TPM3: variants seen among roughly 807,000 people sequenced by gnomAD.
TPM3 encodes the protein tropomyosin 3, also known as tropomyosin alpha-3 chain.
Under a neutral mutation model 43.1 loss-of-function variants are expected in TPM3, and 16 were observed. The ratio of observed to expected loss-of-function variants is 0.37; its 90% confidence interval spans 0.25 to 0.56. The LOEUF (loss-of-function observed/expected upper bound fraction) is 0.56. Ranked by LOEUF, TPM3 falls within the 20% of genes least tolerant of loss-of-function variation. TPM3 has a pLI of 0.77. For synonymous variants in TPM3, 101 were observed against 116.9 expected (o/e 0.86, Z 0.88); for missense variants, 176 against 337.2 (o/e 0.52, Z 3.74).
chr1:154,185,935 A>G (rs1243550744), intron 2 of TPM3, among the ~76,000 whole-genome samples: 2 of 151,514 alleles, frequency 1.3e-5, no homozygotes, highest in African/African-American at 2.5e-5. Flanking sequence ...TACAATGAAG[A>G]GTCCTAATCC....
chr1:154,165,161 C>A lies in TPM3; in HGVS notation c.*2776G>T, dbSNP rs1660801647. ...CTTTGGGAGGCAGAGGCGGGTGGAT[C>A]ACTTGAGGTCAGGAGTTCGCGACCA... On this transcript the variant is annotated 3_prime_UTR_variant, in exon 10 of 10. Coordinates refer to ENST00000651641, the MANE Select transcript of TPM3 (RefSeq NM_152263.4). 6.6e-6 allele frequency among the ~76,000 whole-genome samples: 1 copy of A among 152,064 alleles called. No homozygotes were observed. Among genetic ancestry groups the A allele is most frequent in the Admixed American group, 6.6e-5 (1 of 15,264 alleles).
downstream of TPM3, among the ~76,000 whole-genome samples, chr1:154,158,372 C>T (rs548250783): frequency 6.4e-4 from 97 of 152,232 alleles, no homozygotes; most frequent in Middle Eastern, 3.4e-3. Context: ...AGAAAAAGGA[C>T]GCAAAAGTCA....
intron 2 of TPM3, among the ~76,000 whole-genome samples, chr1:154,177,737 A>G (rs914908608): frequency 8.5e-5 from 13 of 152,278 alleles, no homozygotes; most frequent in Admixed American, 2.0e-4. Flanking sequence ...CTGGGCCACT[A>G]GCTCCGATGA....
intron 3 of TPM3, among the ~76,000 whole-genome samples, chr1:154,174,419 T>A (rs1346277386): frequency 1.5e-5 from 1 of 68,608 alleles, no homozygotes; most frequent in African/African-American, 5.2e-5. Flanking sequence ...CACACAAAAA[T>A]CCCATCCCAG....
intron 2 of TPM3, among the ~76,000 whole-genome samples, chr1:154,180,326 C>T (rs1365377082): frequency 6.6e-6 from 1 of 152,112 alleles, no homozygotes; most frequent in Non-Finnish European, 1.5e-5. Context: ...TTTCCCGCTC[C>T]AGAGGAGGGA....
At chr1:154,161,451 T>TC (rs957962972), downstream of TPM3, among the ~76,000 whole-genome samples, 2 of 150,418 alleles carry the variant, frequency 1.3e-5, no homozygotes, top group African/African-American at 4.9e-5. Context: ...TTTTTTTTTT[T>TC]TTTTTTTGAG....
chr1:154,178,274 C>T, intron 2 of TPM3: 2 of 765,452 alleles, frequency 2.6e-6, no homozygotes, highest in Non-Finnish European at 3.2e-6. Context: ...GCAGTTTCTC[C>T]CACAAATCAG....
At chr1:154,158,829 A>G (rs1660068055), downstream of TPM3, 1 of 682,294 alleles carries the variant, frequency 1.5e-6, no homozygotes, top group African/African-American at 1.8e-5. Flanking sequence ...GGAAATCAAC[A>G]TTCTAACTGC....
chr1:154,191,126 C>T (rs1347881698), intron 2 of TPM3, 60 bp downstream of exon 2: 6 of 1,612,672 alleles, frequency 3.7e-6, no homozygotes, highest in Non-Finnish European at 5.1e-6. Context: ...TTTCGTCATA[C>T]ATTAACATAA....
At chr1:154,185,479 C>A (rs1421676765) in intron 2 of TPM3, among the ~76,000 whole-genome samples, 1 of 149,166 alleles carries the variant, frequency 6.7e-6, no homozygotes, top group Non-Finnish European at 1.5e-5. Context: ...GTCAGGAGTT[C>A]AAGACCAGCC....
intron 5 of TPM3, 168 bp downstream of exon 5, chr1:154,172,740 A>C: frequency 1.2e-6 from 1 of 817,454 alleles, no homozygotes; most frequent in South Asian, 1.4e-5. Context: ...CAGGAGAATA[A>C]GGAAGCCTAA....
Position 154,171,033 on chromosome 1 carries a change from T to A in TPM3, c.643-322A>T, listed in dbSNP as rs1281777689. ...AGAGTAGTAGCACCCCAAGGTCACA[T>A]GACTGAAACACACCCACATGATGGC... On this transcript the variant is annotated intron_variant, in intron 6 of 9. Coordinates refer to ENST00000651641, the MANE Select transcript of TPM3 (RefSeq NM_152263.4). 2.1e-5 allele frequency: 11 copies of A among 525,640 alleles called. No individual in the cohort carries two copies. The East Asian group carries it at 3.4e-4, about 16-fold the overall frequency. 32.6% of individuals were successfully genotyped at this position (525,640 alleles called of 1,614,324 possible). A position where few individuals can be genotyped will look rare whatever the true frequency, so the allele number is the denominator to read the frequency against.
chr1:154,183,232 A>C (rs1236835905), intron 2 of TPM3: 20 of 1,545,520 alleles, frequency 1.3e-5, no homozygotes, highest in African/African-American at 2.7e-5. Context: ...GGAACTCACC[A>C]ACCCGCCCGG....
At chr1:154,174,530 CTTT>C (rs764757176) in intron 3 of TPM3, among the ~76,000 whole-genome samples, 1 of 135,364 alleles carries the variant, frequency 7.4e-6, no homozygotes, top group Non-Finnish European at 1.6e-5. Context: ...CACTTTCTTT[CTTT>C]TTTTTTTTTT....
chr1:154,172,685 T>C (rs1661735746), intron 5 of TPM3: 1 of 611,528 alleles, frequency 1.6e-6, no homozygotes, highest in East Asian at 2.9e-5. Flanking sequence ...TTGTAAACCC[T>C]ACCAACAAAA....
chr1:154,157,774 CTA>C (rs1659960044), downstream of TPM3: 1 of 780,066 alleles, frequency 1.3e-6, no homozygotes, highest in African/African-American at 1.7e-5. Flanking sequence ...ATTTCAAGGT[CTA>C]CCCGCTCTTT....
chr1:154,169,768 GC>G (rs1661374422), intron 8 of TPM3: 1 of 303,904 alleles, frequency 3.3e-6, no homozygotes, highest in Non-Finnish European at 6.3e-6. Flanking sequence ...ACACTTCTCT[GC>G]CTACAAAATG....
chr1:154,157,581 G>A (rs2148183398), downstream of TPM3: 1 of 769,848 alleles, frequency 1.3e-6, no homozygotes. Context: ...CCGCAGGCTG[G>A]CCTCAGGCGG....
intron 2 of TPM3, among the ~76,000 whole-genome samples, chr1:154,185,277 G>A (rs1286750310): frequency 1.3e-5 from 2 of 150,276 alleles, no homozygotes; most frequent in Non-Finnish European, 2.9e-5. Context: ...GGAGGCTGAG[G>A]CAAGAGAATT....
Sources: gnomAD v4.1 joint callset for allele counts (sites outside exome capture counted in the v4.1 genomes callset) on GRCh38, gnomAD v4.1.1 for gene constraint, MANE v1.5 for transcripts, NCBI Gene and HGNC (gene_info 2026-07-23, HGNC 2026-07-21) for gene names.